Variants in EPS15 observed in about 807,000 individuals in gnomAD.
EPS15 encodes epidermal growth factor receptor pathway substrate 15, also known as epidermal growth factor receptor substrate 15.
A neutral mutation model predicts 113.8 loss-of-function variants in EPS15; 72 were observed. The observed-to-expected ratio is 0.63, with a 90% CI of 0.52 to 0.77. The LOEUF (loss-of-function observed/expected upper bound fraction) is 0.77. EPS15 is among the 30% of genes least tolerant of loss of function. The pLI, the probability that EPS15 is intolerant of heterozygous loss-of-function variation, is 0.00. For missense variants in EPS15, 1,048 were observed against 1,045.8 expected (o/e 1.00, Z -0.03); for synonymous variants, 344 against 363.4 (o/e 0.95, Z 0.61).
At chr1:51,477,973 G>C (rs570254872) in intron 2 of EPS15, among the ~76,000 whole-genome samples, 307 of 152,160 alleles carry the variant, frequency 2.0e-3, no homozygotes, top group Non-Finnish European at 3.6e-3. Flanking sequence ...ATTAGGTCCG[G>C]TTGGTGCAGA....
intron 19 of EPS15, among the ~76,000 whole-genome samples, chr1:51,400,315 T>C (rs900111693): frequency 1.3e-4 from 20 of 152,346 alleles, no homozygotes; most frequent in African/African-American, 4.8e-4. Flanking sequence ...TAGATCATTA[T>C]GCTCACCAAA....
At chr1:51,436,246 T>C (rs144029723) in intron 12 of EPS15, among the ~76,000 whole-genome samples, 5 of 152,166 alleles carry the variant, frequency 3.3e-5, no homozygotes, top group East Asian at 1.9e-4. Context: ...CTGGATTCAG[T>C]TGGAGATGGG....
intron 8 of EPS15, chr1:51,457,746 C>CAA (rs1654126759): frequency 1.3e-5 from 2 of 151,922 alleles, no homozygotes; most frequent in Admixed American, 6.6e-5. Context: ...TGTCAGTACT[C>CAA]AAAAGTTTCA....
chr1:51,514,053 GT>G (rs962813569), intron 1 of EPS15, among the ~76,000 whole-genome samples: 1 of 151,856 alleles, frequency 6.6e-6, no homozygotes, highest in African/African-American at 2.4e-5. Context: ...AAATTTTAGT[GT>G]TTTTTTTCTT....
intron 1 of EPS15, among the ~76,000 whole-genome samples, chr1:51,497,519 A>T (rs1644344701): frequency 6.6e-6 from 1 of 152,348 alleles, no homozygotes; most frequent in South Asian, 2.1e-4. Context: ...AGCATACAAC[A>T]AAGGGTGAGA....
intron 8 of EPS15, among the ~76,000 whole-genome samples, chr1:51,454,332 A>G (rs981959487): frequency 6.6e-6 from 1 of 152,208 alleles, no homozygotes; most frequent in African/African-American, 2.4e-5. Context: ...AGATATGCAG[A>G]CAAACAGCAA....
chr1:51,376,819 T>C (rs142639064), intron 21 of EPS15, among the ~76,000 whole-genome samples: 193 of 152,308 alleles, frequency 1.3e-3, no homozygotes, highest in African/African-American at 4.4e-3. Flanking sequence ...TTCTTGCAAA[T>C]CAAGGAGTAA....
chr1:51,376,236 T>C (rs1646794754), intron 21 of EPS15, among the ~76,000 whole-genome samples: 1 of 152,226 alleles, frequency 6.6e-6, no homozygotes, highest in African/African-American at 2.4e-5. Context: ...AAGGCCCCTA[T>C]GAATTAAGAT....
intron 1 of EPS15, among the ~76,000 whole-genome samples, chr1:51,518,061 G>C (rs1644758044): frequency 1.3e-5 from 2 of 152,130 alleles, no homozygotes; most frequent in Admixed American, 1.3e-4. Context: ...CAAGGAAGAC[G>C]GGATGGGCCC....
chr1:51,497,975 C>CA (rs371365509), intron 1 of EPS15, among the ~76,000 whole-genome samples: 4,370 of 71,378 alleles, frequency 0.061, 72 homozygotes, highest in African/African-American at 0.085. Context: ...GACCCCGTCT[C>CA]AAAAAAAAAA....
intron 1 of EPS15, among the ~76,000 whole-genome samples, chr1:51,516,393 G>A (rs1250303654): frequency 6.6e-6 from 1 of 152,172 alleles, no homozygotes; most frequent in African/African-American, 2.4e-5. Flanking sequence ...CTCAGCAAAT[G>A]TTTGTTGAGT....
chr1:51,385,427 G>C (rs777831301), intron 21 of EPS15, among the ~76,000 whole-genome samples: 5 of 152,162 alleles, frequency 3.3e-5, no homozygotes, highest in Non-Finnish European at 7.3e-5. Context: ...CAAAGATGTG[G>C]AAATACTGGA....
In EPS15 at chr1:51,415,467, C is replaced by T. The variant is rs1243792423; in HGVS notation, c.1114-5771G>A. On this transcript the variant is annotated intron_variant, in intron 13 of 24. Coordinates refer to ENST00000371733, the MANE Select transcript of EPS15 (RefSeq NM_001981.3). ...TATTAAAATTCATTATAATTAATGT[C>T]TCTCTATGTCTATTTCTAAATATGA... Among the ~76,000 whole-genome samples, 3 of 152,026 alleles carry T rather than the reference C, an allele frequency of 2.0e-5. No individual in the cohort carries two copies. The East Asian group carries it at 5.8e-4, about 29-fold the overall frequency.
intron 21 of EPS15, among the ~76,000 whole-genome samples, chr1:51,388,533 G>A (rs1557790360): frequency 2.6e-5 from 4 of 152,132 alleles, no homozygotes; most frequent in Middle Eastern, 3.2e-3. Context: ...CCAGGAGCTG[G>A]TTTTTTGAAA....
intron 13 of EPS15, among the ~76,000 whole-genome samples, chr1:51,411,695 C>T (rs539017005): frequency 4.6e-5 from 7 of 152,088 alleles, no homozygotes; most frequent in East Asian, 3.9e-4. Context: ...CTCATTAACC[C>T]GTCAGGAAAC....
chr1:51,360,606 C>CATTT (rs942484732), intron 24 of EPS15, among the ~76,000 whole-genome samples: 4 of 152,238 alleles, frequency 2.6e-5, no homozygotes, highest in East Asian at 1.9e-4. Context: ...TCCTGACAAC[C>CATTT]ATTTATTTAT....
chr1:51,508,107 G>C (rs767382780), intron 1 of EPS15, among the ~76,000 whole-genome samples: 2 of 151,450 alleles, frequency 1.3e-5, no homozygotes, highest in African/African-American at 2.4e-5. Context: ...GCTTGAACCC[G>C]AGAGGTGGAG....
chr1:51,377,004 G>A (rs947516138), intron 21 of EPS15, among the ~76,000 whole-genome samples: 1 of 152,008 alleles, frequency 6.6e-6, no homozygotes, highest in Non-Finnish European at 1.5e-5. Context: ...AGTGGCTCAC[G>A]CTTGTAATCC....
chr1:51,404,360 A>C (rs987568990), intron 16 of EPS15, among the ~76,000 whole-genome samples: 1 of 151,380 alleles, frequency 6.6e-6, no homozygotes, highest in African/African-American at 2.4e-5. Context: ...CCTGGGCAAC[A>C]GAGCGAGACT....
Sources: gnomAD v4.1 joint callset for allele counts (sites outside exome capture counted in the v4.1 genomes callset) on GRCh38, gnomAD v4.1.1 for gene constraint, MANE v1.5 for transcripts, NCBI Gene and HGNC (gene_info 2026-07-23, HGNC 2026-07-21) for gene names.